The following SPAG16 variants were observed in gnomAD, a reference collection of about 807,000 sequenced individuals.
SPAG16 encodes sperm-associated antigen 16 protein.
In SPAG16, 86 loss-of-function variants were observed where a neutral mutation model predicts 80.4. That is an observed-to-expected ratio of 1.07 (90% CI 0.90 to 1.28). The LOEUF is 1.28. Among genes scored for constraint, SPAG16 ranks in the 50% most tolerant of loss-of-function variants. The pLI, the probability that SPAG16 is intolerant of heterozygous loss-of-function variation, is 0.00. For missense variants in SPAG16, 870 were observed against 765.3 expected, an observed-to-expected ratio of 1.14 and a Z score of -1.61; for synonymous variants, 294 against 265.9, an observed-to-expected ratio of 1.11 and a Z score of -1.03.
At chr2:213,714,359 C>T (rs13034035) in intron 10 of SPAG16, among the ~76,000 whole-genome samples, 36,854 of 152,104 alleles carry the variant, frequency 0.24, 4,891 homozygotes, top group Middle Eastern at 0.34. Flanking sequence ...GCTGAGCCAT[C>T]TTACAATAAT....
chr2:213,337,301 A>G (rs1575248382), intron 5 of SPAG16, among the ~76,000 whole-genome samples: 1 of 152,378 alleles, frequency 6.6e-6, no homozygotes, highest in East Asian at 1.9e-4. Flanking sequence ...TCAAAAAGCC[A>G]GAGTGCCTCT....
At chr2:213,453,848 T>A (rs894793132) in intron 9 of SPAG16, among the ~76,000 whole-genome samples, 2 of 152,174 alleles carry the variant, frequency 1.3e-5, no homozygotes, top group Non-Finnish European at 2.9e-5. Context: ...CATAGGTAGA[T>A]TTTTTTATGT....
chr2:214,176,718 A>G (rs1320089367), intron 15 of SPAG16, among the ~76,000 whole-genome samples: 1 of 151,156 alleles, frequency 6.6e-6, no homozygotes, highest in Non-Finnish European at 1.5e-5. Flanking sequence ...AAGTACAGTG[A>G]TGGTCAATTT....
chr2:214,332,006 C>CTT (rs1450307455), intron 15 of SPAG16, among the ~76,000 whole-genome samples: 1 of 152,214 alleles, frequency 6.6e-6, no homozygotes, highest in East Asian at 1.9e-4. Flanking sequence ...AATCCCAGCA[C>CTT]TTTGGGAGGC....
chr2:213,395,445 A>G (rs1270890178), intron 9 of SPAG16, among the ~76,000 whole-genome samples: 1 of 152,170 alleles, frequency 6.6e-6, no homozygotes, highest in East Asian at 1.9e-4. Flanking sequence ...TTTTGAATAT[A>G]CTTTACTTCC....
At chr2:214,294,795 CA>C (rs774831529) in intron 15 of SPAG16, among the ~76,000 whole-genome samples, 2 of 152,156 alleles carry the variant, frequency 1.3e-5, no homozygotes, top group Non-Finnish European at 2.9e-5. Flanking sequence ...GAGAGTTTAT[CA>C]AACAAAACAT....
At chr2:213,407,908 C>CAG (rs557356985) in intron 9 of SPAG16, among the ~76,000 whole-genome samples, 2 of 67,346 alleles carry the variant, frequency 3.0e-5, no homozygotes, top group Non-Finnish European at 2.8e-5. Flanking sequence ...AGGAGAGAGG[C>CAG]AGAGAGAGAG....
At chr2:213,805,113 T>C (rs1300361374) in intron 10 of SPAG16, among the ~76,000 whole-genome samples, 1 of 152,138 alleles carries the variant, frequency 6.6e-6, no homozygotes, top group African/African-American at 2.4e-5. Context: ...ACAGAGCTAA[T>C]AAGTAATGGA....
intron 11 of SPAG16, among the ~76,000 whole-genome samples, chr2:213,868,511 C>G (rs1308863705): frequency 6.6e-6 from 1 of 152,160 alleles, no homozygotes; most frequent in African/African-American, 2.4e-5. Context: ...TGCTACATTA[C>G]TTAATAATAT....
chr2:213,604,426 C>T (rs551418347), intron 10 of SPAG16, among the ~76,000 whole-genome samples: 16 of 152,012 alleles, frequency 1.1e-4, no homozygotes, highest in African/African-American at 3.6e-4. Flanking sequence ...TTTACTTTTG[C>T]TCCTTGAAGC....
intron 12 of SPAG16, among the ~76,000 whole-genome samples, chr2:213,961,986 T>A (rs2044458161): frequency 6.6e-6 from 1 of 152,142 alleles, no homozygotes. Context: ...TTTGGTAGAA[T>A]TCACCAGTGA....
At chr2:213,638,913 T>C (rs377707011) in intron 10 of SPAG16, among the ~76,000 whole-genome samples, 1 of 152,238 alleles carries the variant, frequency 6.6e-6, no homozygotes, top group Admixed American at 6.5e-5. Context: ...TTTATAAATT[T>C]GGGAGCTCCA....
intron 15 of SPAG16, among the ~76,000 whole-genome samples, chr2:214,390,750 C>G (rs1701031650): frequency 6.6e-6 from 1 of 151,760 alleles, no homozygotes; most frequent in South Asian, 2.1e-4. Flanking sequence ...TATGTAGAGC[C>G]AAGGGGAAAG....
chr2:213,890,503 A>T (rs1184281425), intron 11 of SPAG16, among the ~76,000 whole-genome samples: 3 of 152,084 alleles, frequency 2.0e-5, no homozygotes, highest in Non-Finnish European at 4.4e-5. Flanking sequence ...ATGGGAAAAA[A>T]GTGTTTCCAT....
intron 11 of SPAG16, among the ~76,000 whole-genome samples, chr2:213,886,668 G>A (rs2076567808): frequency 6.6e-6 from 1 of 152,022 alleles, no homozygotes; most frequent in Admixed American, 6.6e-5. Flanking sequence ...GGGGAAACAA[G>A]CAACTATCAC....
At chr2:213,463,956 C>T (rs1030031182) in intron 9 of SPAG16, among the ~76,000 whole-genome samples, 5 of 152,266 alleles carry the variant, frequency 3.3e-5, no homozygotes, top group East Asian at 3.9e-4. Flanking sequence ...AGAAGTACAG[C>T]GTATGATCCC....
At chr2:213,351,006 G>A (rs1310949837) in intron 7 of SPAG16, among the ~76,000 whole-genome samples, 1 of 151,880 alleles carries the variant, frequency 6.6e-6, no homozygotes, top group East Asian at 1.9e-4. Flanking sequence ...GCCGGGTGTG[G>A]TGGCACAGGC....
At chr2:213,949,446 C>T (rs964512630) in intron 12 of SPAG16, among the ~76,000 whole-genome samples, 2 of 152,086 alleles carry the variant, frequency 1.3e-5, no homozygotes, top group Admixed American at 6.5e-5. Context: ...GGATTACAGG[C>T]ATGAGCCACC....
At chr2:214,204,202 A>G (rs897455127) in intron 15 of SPAG16, among the ~76,000 whole-genome samples, 2 of 152,212 alleles carry the variant, frequency 1.3e-5, no homozygotes, top group South Asian at 2.1e-4. Context: ...GAGCTCAGAC[A>G]TGCCTAACCC....
Sources: gnomAD v4.1 joint callset for allele counts (sites outside exome capture counted in the v4.1 genomes callset) on GRCh38, gnomAD v4.1.1 for gene constraint, MANE v1.5 for transcripts, NCBI Gene and HGNC (gene_info 2026-07-23, HGNC 2026-07-21) for gene names.